Variants in POFUT3 observed in about 807,000 individuals in gnomAD.
POFUT3 encodes GDP-fucose protein O-fucosyltransferase 3.
At chr8:33,378,221 C>T in the POFUT3 span, among the ~76,000 whole-genome samples, 1 of 152,184 alleles carries the variant, frequency 6.6e-6, no homozygotes, top group East Asian at 1.9e-4. Flanking sequence ...AGCCTCTCCA[C>T]CCTCCCCAGA....
the POFUT3 span, among the ~76,000 whole-genome samples, chr8:33,312,497 T>G: frequency 2.6e-5 from 4 of 152,274 alleles, no homozygotes; most frequent in Admixed American, 6.5e-5. Context: ...CTCCTATCTC[T>G]GTTTCTAGCA....
the POFUT3 span, among the ~76,000 whole-genome samples, chr8:33,467,967 C>T: frequency 2.0e-5 from 3 of 152,078 alleles, no homozygotes; most frequent in Non-Finnish European, 2.9e-5. Context: ...AGGCTGGGTG[C>T]GGTGGCTCAT....
chr8:33,353,616 C>A, the POFUT3 span, among the ~76,000 whole-genome samples: 1 of 152,124 alleles, frequency 6.6e-6, no homozygotes, highest in African/African-American at 2.4e-5. Context: ...TTCAACAGAG[C>A]CCCTGTGAGG....
chr8:33,460,801 T>C, the POFUT3 span: 1 of 958,500 alleles, frequency 1.0e-6, no homozygotes, highest in African/African-American at 1.8e-5. Context: ...AGGGGGTGAA[T>C]TGGAAGGGTC....
chr8:33,359,883 G>A, the POFUT3 span, among the ~76,000 whole-genome samples: 3 of 151,878 alleles, frequency 2.0e-5, no homozygotes, highest in Non-Finnish European at 4.4e-5. Flanking sequence ...GCACACACCT[G>A]TAATCCCAGT....
At chr8:33,431,066 G>C in the POFUT3 span, among the ~76,000 whole-genome samples, 13 of 152,244 alleles carry the variant, frequency 8.5e-5, no homozygotes, top group Middle Eastern at 3.4e-3. Context: ...GTGTGGGCCT[G>C]GGTAGAGACG....
At chr8:33,450,247 G>A in the POFUT3 span, among the ~76,000 whole-genome samples, 1 of 152,100 alleles carries the variant, frequency 6.6e-6, no homozygotes, top group Non-Finnish European at 1.5e-5. Flanking sequence ...GGCCTATGAA[G>A]CCTTTCTTGA....
the POFUT3 span, among the ~76,000 whole-genome samples, chr8:33,423,634 G>A: frequency 6.6e-6 from 1 of 151,892 alleles, no homozygotes; most frequent in African/African-American, 2.4e-5. Flanking sequence ...CAAATTCTGA[G>A]TTATTGTTGA....
chr8:33,365,349 G>T, the POFUT3 span, among the ~76,000 whole-genome samples: 2,133 of 152,208 alleles, frequency 0.014, 52 homozygotes, highest in African/African-American at 0.047. Context: ...ATACGCATGG[G>T]CAAGGACTTC....
chr8:33,367,653 G>A, the POFUT3 span, among the ~76,000 whole-genome samples: 1 of 152,038 alleles, frequency 6.6e-6, no homozygotes, highest in African/African-American at 2.4e-5. Flanking sequence ...TGCACTTAAA[G>A]GTCAAGATTT....
At chr8:33,456,221 A>C in the POFUT3 span, among the ~76,000 whole-genome samples, 2 of 152,230 alleles carry the variant, frequency 1.3e-5, no homozygotes, top group African/African-American at 2.4e-5. Context: ...GCCATAGGAT[A>C]CAACTCCAAA....
At chr8:33,332,868 T>G in the POFUT3 span, among the ~76,000 whole-genome samples, 2 of 152,150 alleles carry the variant, frequency 1.3e-5, no homozygotes, top group African/African-American at 4.8e-5. Flanking sequence ...GCCCCAGCCC[T>G]TCATTTCCCA....
At chr8:33,331,946 G>A in the POFUT3 span, among the ~76,000 whole-genome samples, 5 of 118 alleles carry the variant, frequency 0.042, no homozygotes, top group South Asian at 0.25. Flanking sequence ...AAAGTGCTGG[G>A]ATTACAGGCG....
At chr8:33,380,343 C>T in the POFUT3 span, among the ~76,000 whole-genome samples, 5 of 144,748 alleles carry the variant, frequency 3.5e-5, no homozygotes, top group African/African-American at 1.3e-4. Flanking sequence ...AATGGAAATA[C>T]TAGGTTTCTG....
chr8:33,417,746 T>A, the POFUT3 span, among the ~76,000 whole-genome samples: 3 of 151,730 alleles, frequency 2.0e-5, no homozygotes, highest in African/African-American at 4.8e-5. Flanking sequence ...AGCAAGTAGA[T>A]AATCACACTT....
At chr8:33,389,437 A>G in the POFUT3 span, 1 of 1,614,210 alleles carries the variant, frequency 6.2e-7, no homozygotes, top group African/African-American at 1.3e-5. Context: ...TGTTTCGTAA[A>G]CATTCACCAT....
the POFUT3 span, among the ~76,000 whole-genome samples, chr8:33,439,374 G>T: frequency 1.3e-5 from 2 of 152,062 alleles, no homozygotes; most frequent in African/African-American, 4.8e-5. Context: ...ATGCACTCCA[G>T]CCTGAACAAC....
chr8:33,462,969 T>C, the POFUT3 span, among the ~76,000 whole-genome samples: 8 of 150,636 alleles, frequency 5.3e-5, no homozygotes, highest in Admixed American at 2.0e-4. Context: ...CCCCATAGAA[T>C]GCCCTTTATC....
chr8:33,353,265 CATCTTTT>C, the POFUT3 span, among the ~76,000 whole-genome samples: 1 of 152,312 alleles, frequency 6.6e-6, no homozygotes, highest in East Asian at 1.9e-4. Context: ...CCCTTCCCAA[CATCTTTT>C]ATGAGAGTAA....
Sources: allele counts gnomAD v4.1 joint callset (sites outside exome capture counted in the v4.1 genomes callset), GRCh38; gene constraint gnomAD v4.1.1; transcripts MANE v1.5; gene names NCBI Gene and HGNC (gene_info 2026-07-23, HGNC 2026-07-21).